ANAPC1: variants seen among roughly 807,000 people sequenced by gnomAD.
The protein encoded by ANAPC1 is anaphase promoting complex subunit 1.
In ANAPC1, 36 loss-of-function variants were observed where a neutral mutation model predicts 208.0. The ratio of observed to expected loss-of-function variants is 0.17; its 90% CI spans 0.13 to 0.23. ANAPC1 has a LOEUF of 0.23. Ranked by LOEUF, ANAPC1 falls within the 10% of genes least tolerant of loss-of-function variation. The pLI, the probability that ANAPC1 is intolerant of heterozygous loss-of-function variation, is 1.00. For synonymous variants in ANAPC1, 378 were observed against 695.2 expected (o/e 0.54, Z 7.18); for missense variants, 942 against 2,011.6 (o/e 0.47, Z 10.17).
intron 28 of ANAPC1, among the ~76,000 whole-genome samples, chr2:111,811,016 T>C (rs1678965056): frequency 6.6e-6 from 1 of 152,092 alleles, no homozygotes; most frequent in Admixed American, 6.6e-5. Context: ...TTGGGAATGT[T>C]GGCCTTGTTC....
chr2:111,792,766 C>T (rs1192157129), intron 37 of ANAPC1, among the ~76,000 whole-genome samples: 2 of 151,832 alleles, frequency 1.3e-5, no homozygotes, highest in African/African-American at 4.8e-5. Flanking sequence ...TCCCGGCTAA[C>T]ATGGTGAAAC....
intron 34 of ANAPC1, among the ~76,000 whole-genome samples, chr2:111,795,654 ATAAGC>A (rs1678128908): frequency 7.1e-6 from 1 of 140,140 alleles, no homozygotes; most frequent in Non-Finnish European, 1.6e-5. Context: ...CTAGGCTAAG[ATAAGC>A]TAAACTGTCA....
intron 17 of ANAPC1, among the ~76,000 whole-genome samples, chr2:111,841,260 A>G (rs1680745850): frequency 6.6e-6 from 1 of 152,022 alleles, no homozygotes; most frequent in African/African-American, 2.4e-5. Flanking sequence ...AGTAAACAAA[A>G]CTAAGCAAAA....
chr2:111,825,847 T>C lies in ANAPC1; in HGVS notation c.2634A>G (p.Ala878=). 1 of 1,606,514 alleles carries C rather than the reference T, an allele frequency of 6.2e-7. No individual in the cohort carries two copies. Among genetic ancestry groups the C allele is most frequent in the Non-Finnish European group, 8.5e-7 (1 of 1,175,058 alleles). Residue 878 remains alanine, a synonymous_variant, in exon 22 of 48, where the codon GCA becomes GCG. Transcript: ENST00000341068. The stretch of plus-strand genomic sequence containing the variant: ...AGCTCTCATCACCAAGTATGTACAG[T>C]GCAATACTCTGCAAAGGAAGAAAAT... ...ERSRLVVLSI[A]LYILGDESLV... is the part of the protein sequence containing the mutation.
chr2:111,822,089 A>G (rs1446795294), intron 25 of ANAPC1, among the ~76,000 whole-genome samples: 33 of 151,348 alleles, frequency 2.2e-4, no homozygotes, highest in Non-Finnish European at 4.3e-4. Context: ...CCCTTTTCCT[A>G]TGTAATAATT....
intron 34 of ANAPC1, among the ~76,000 whole-genome samples, chr2:111,797,689 G>A (rs1648018683): frequency 6.6e-6 from 1 of 151,320 alleles, no homozygotes. Flanking sequence ...GGCAGGGGTC[G>A]GTAAACTATT....
chr2:111,853,723 CT>C (rs1170135178), intron 13 of ANAPC1, among the ~76,000 whole-genome samples: 177 of 145,990 alleles, frequency 1.2e-3, no homozygotes, highest in Admixed American at 1.8e-3. Context: ...CAGAAGGTTT[CT>C]TTTTTTTTTT....
intron 14 of ANAPC1, among the ~76,000 whole-genome samples, chr2:111,850,287 G>A (rs1471935351): frequency 1.3e-5 from 2 of 151,436 alleles, no homozygotes; most frequent in Non-Finnish European, 2.9e-5. Context: ...GCCTGTGCCT[G>A]TGTGGTTTCT....
intron 14 of ANAPC1, among the ~76,000 whole-genome samples, chr2:111,848,450 C>A (rs1681211087): frequency 6.6e-6 from 1 of 151,640 alleles, no homozygotes; most frequent in Non-Finnish European, 1.5e-5. Flanking sequence ...GAGAAGCCAG[C>A]AGCACTGTTA....
chr2:111,867,313 C>A (rs1281202025), intron 7 of ANAPC1, among the ~76,000 whole-genome samples: 1 of 151,564 alleles, frequency 6.6e-6, no homozygotes, highest in East Asian at 1.9e-4. Context: ...AAAAAAAAAA[C>A]CATTCTTAGC....
At chr2:111,851,371 G>C (rs1403827248) in intron 13 of ANAPC1, among the ~76,000 whole-genome samples, 2 of 151,854 alleles carry the variant, frequency 1.3e-5, no homozygotes, top group Admixed American at 1.3e-4. Flanking sequence ...TCACACCTTG[G>C]TATAATTTCT....
chr2:111,806,897 T>A (rs1678708079), intron 29 of ANAPC1, among the ~76,000 whole-genome samples: 1 of 132,584 alleles, frequency 7.5e-6, no homozygotes, highest in African/African-American at 2.8e-5. Flanking sequence ...AAATGCAATT[T>A]AAAAAAAAAG....
chr2:111,868,207 C>A, intron 6 of ANAPC1, 111 bp from the exon 7 acceptor site: 1 of 586,444 alleles, frequency 1.7e-6, no homozygotes, highest in Non-Finnish European at 2.9e-6. Flanking sequence ...TAGAAACCTA[C>A]TATCTCAAAA....
intron 29 of ANAPC1, 146 bp downstream of exon 29, chr2:111,808,801 T>A: frequency 1.8e-6 from 2 of 1,083,150 alleles, no homozygotes; most frequent in East Asian, 2.6e-5. Context: ...TTTGTTGTTT[T>A]TTTTAATTAG....
At chr2:111,856,133 G>A (rs879405981) in intron 13 of ANAPC1, among the ~76,000 whole-genome samples, 4 of 152,164 alleles carry the variant, frequency 2.6e-5, no homozygotes, top group Non-Finnish European at 5.9e-5. Flanking sequence ...TACTCGGGAG[G>A]CTGAGGCAGG....
chr2:111,865,981 G>T, intron 7 of ANAPC1: 1 of 185,608 alleles, frequency 5.4e-6, no homozygotes, highest in Non-Finnish European at 1.1e-5. Context: ...TGAGTCAGGC[G>T]GCTCACGAGG....
In ANAPC1 at chr2:111,856,688, A is replaced by C. The variant is rs1558726040; in HGVS notation, c.1450-9T>G. The stretch of plus-strand genomic sequence containing the variant: ...AGCATGGTGTCTATTTTCTAAAAAA[A>C]CAAAAAAGACAAAAAATTTATTTCC... On this transcript the variant is annotated splice_polypyrimidine_tract_variant and intron_variant, in intron 12 of 47. Transcript: ENST00000341068. 1 of 1,613,826 alleles carries C rather than the reference A, an allele frequency of 6.2e-7. No homozygotes were observed. The highest frequency in any genetic ancestry group is 8.5e-7 in the Non-Finnish European group (1 of 1,179,812).
At chr2:111,771,477 T>C (rs1225874855) in intron 47 of ANAPC1, among the ~76,000 whole-genome samples, 2 of 150,978 alleles carry the variant, frequency 1.3e-5, no homozygotes, top group African/African-American at 2.4e-5. Context: ...CCCTGCAGCA[T>C]TGCTGCTTTT....
chr2:111,821,516 T>C, intron 25 of ANAPC1, 63 bp from the exon 26 acceptor site: 32 of 1,437,130 alleles, frequency 2.2e-5, no homozygotes, highest in Non-Finnish European at 3.1e-5. Context: ...TTGCTGAACA[T>C]GAGGATATAT....
Sources: gnomAD v4.1 joint callset for allele counts (sites outside exome capture counted in the v4.1 genomes callset) on GRCh38, gnomAD v4.1.1 for gene constraint, MANE v1.5 for transcripts, NCBI Gene and HGNC (gene_info 2026-07-23, HGNC 2026-07-21) for gene names.